Variants in TIAM2 observed in about 807,000 individuals in gnomAD.
TIAM2 encodes the protein TIAM Rac1 associated GEF 2.
A neutral mutation model predicts 152.9 loss-of-function variants in TIAM2; 80 were observed. The ratio of observed to expected loss-of-function variants is 0.52; its 90% CI spans 0.44 to 0.63. The LOEUF (loss-of-function observed/expected upper bound fraction) is 0.63. Ranked by LOEUF, TIAM2 falls within the 30% of genes least tolerant of loss-of-function variation. The probability of loss-of-function intolerance (pLI) is 0.00; values close to 1 mark genes in which losing one functional copy is unlikely to be tolerated. For synonymous variants in TIAM2, 804 were observed against 838.0 expected (o/e 0.96, Z 0.70); for missense variants, 1,965 against 2,120.1 (o/e 0.93, Z 1.44).
intron 7 of TIAM2, among the ~76,000 whole-genome samples, chr6:155,159,191 G>A (rs183749829): frequency 4.6e-5 from 7 of 152,278 alleles, no homozygotes. Flanking sequence ...GTCAAGGCTG[G>A]TAGGATATTG....
intron 7 of TIAM2, among the ~76,000 whole-genome samples, chr6:155,157,196 ATCT>A (rs1376084153): frequency 2.0e-5 from 3 of 151,866 alleles, no homozygotes; most frequent in African/African-American, 7.3e-5. Flanking sequence ...GGAAACAGAG[ATCT>A]TCTCTGAGTC....
chr6:155,183,405 T>G lies in TIAM2; in HGVS notation c.2969T>G (p.Leu990Arg). ...TLCTSWSDSD[L>R]FSRDQKSLLP... ...TGTACATCCTGGTCAGACAGTGACC[T>G]GTTCTCCAGGGACCAGAAGAGTCTG... is the stretch of plus-strand genomic sequence containing the variant. The change falls in exon 14 of 27, where the codon CTG (leucine) becomes CGG (arginine). Residue 990 changes from leucine to arginine, a missense_variant. Coordinates refer to ENST00000682666, the MANE Select transcript of TIAM2 (RefSeq NM_012454.4). 2 of 1,614,198 alleles carry G rather than the reference T, an allele frequency of 1.2e-6. No individual in the cohort carries two copies. Among genetic ancestry groups the G allele is most frequent in the East Asian group, 2.2e-5 (1 of 44,890 alleles).
At chr6:155,062,084 C>T (rs1383687176) in intron 1 of TIAM2, among the ~76,000 whole-genome samples, 7 of 143,592 alleles carry the variant, frequency 4.9e-5, no homozygotes, top group Admixed American at 2.1e-4. Flanking sequence ...CCCTGCATCT[C>T]GCCCCCCCAC....
At chr6:155,017,709 T>C (rs1166877943) in intron 1 of TIAM2, among the ~76,000 whole-genome samples, 1 of 152,062 alleles carries the variant, frequency 6.6e-6, no homozygotes, top group Non-Finnish European at 1.5e-5. Flanking sequence ...TTCACCGTGT[T>C]AGCCAGGATG....
chr6:155,123,891 C>T (rs1779231609), intron 2 of TIAM2, among the ~76,000 whole-genome samples: 2 of 152,358 alleles, frequency 1.3e-5, no homozygotes, highest in South Asian at 4.1e-4. Flanking sequence ...CTGTGACAGT[C>T]TGAGTGGCAG....
intron 1 of TIAM2, among the ~76,000 whole-genome samples, chr6:155,032,431 G>A (rs989525787): frequency 6.6e-6 from 1 of 152,140 alleles, no homozygotes; most frequent in African/African-American, 2.4e-5. Flanking sequence ...CACATCAAAC[G>A]GGGAATTGAG....
chr6:155,255,236 C>G (rs557609513), intron 26 of TIAM2: 1 of 152,208 alleles, frequency 6.6e-6, no homozygotes. Flanking sequence ...TCCATATTAT[C>G]AACTTAACAA....
chr6:155,027,378 A>G (rs1436397178), intron 1 of TIAM2, among the ~76,000 whole-genome samples: 6 of 134,770 alleles, frequency 4.5e-5, no homozygotes, highest in East Asian at 2.1e-4. Flanking sequence ...TATAATATAT[A>G]TACTGTGTTA....
At chr6:155,106,766 G>A (rs1248615701) in intron 2 of TIAM2, among the ~76,000 whole-genome samples, 2 of 152,214 alleles carry the variant, frequency 1.3e-5, no homozygotes, top group South Asian at 4.1e-4. Flanking sequence ...ATGGAACTTC[G>A]GTGGTAATTA....
In TIAM2 at chr6:155,047,693, GAGAGAGAGAGA is replaced by G. The variant is rs1777216751; in HGVS notation, c.-208-42595_-208-42585del. On this transcript the variant is annotated intron_variant, in intron 1 of 26. Coordinates refer to ENST00000682666, the MANE Select transcript of TIAM2 (RefSeq NM_012454.4). Reference sequence around the variant, plus strand: ...GAGAGAGAGAGAGAGAGAGAGGAGAGAGAGAGAGAGAGCGAGAGAGAGAGAGAGAGAGCGAG... The same window carrying G: ...GAGAGAGAGAGAGAGAGAGAGGAGAGGCGAGAGAGAGAGAGAGAGAGCGAG... Among the ~76,000 whole-genome samples the G allele has an allele frequency of 1.8e-4, 2 of 11,288 alleles. 1 individual carries two copies. The highest frequency in any genetic ancestry group is 5.3e-4 in the Non-Finnish European group (2 of 3,792). The allele number at this position is 11,288 out of a possible 152,430, so 7.4% of individuals were successfully genotyped here. A position where few individuals can be genotyped will look rare whatever the true frequency, so the allele number is the denominator to read the frequency against.
chr6:155,086,646 G>A (rs1394624422), intron 1 of TIAM2, among the ~76,000 whole-genome samples: 5 of 148,718 alleles, frequency 3.4e-5, no homozygotes, highest in Non-Finnish European at 7.4e-5. Flanking sequence ...GGCAGAGGTT[G>A]CAGTGAGCTG....
chr6:155,239,432 G>A (rs1284728036), intron 15 of TIAM2, among the ~76,000 whole-genome samples: 3 of 152,234 alleles, frequency 2.0e-5, no homozygotes, highest in Admixed American at 6.5e-5. Context: ...AGATGGGGAG[G>A]TGGTGAAGTG....
chr6:155,223,815 G>A (rs139731965), intron 15 of TIAM2, among the ~76,000 whole-genome samples: 9 of 152,186 alleles, frequency 5.9e-5, no homozygotes, highest in South Asian at 4.1e-4. Flanking sequence ...TGTGTTCCCC[G>A]GCAAGGGCGT....
At position 155,179,526 on chromosome 6, in the gene TIAM2, T is replaced by C. The variant is rs1780844202; in HGVS notation, c.2707+70T>C. 10 of 1,434,996 alleles carry C rather than the reference T, an allele frequency of 7.0e-6. No individual in the cohort carries two copies. In the South Asian group the frequency reaches 1.2e-4, roughly 18 times the overall value. The allele number at this position is 1,434,996 out of a possible 1,614,324, so 88.9% of individuals were successfully genotyped here. A position where few individuals can be genotyped will look rare whatever the true frequency, so the allele number is the denominator to read the frequency against. On this transcript the variant is annotated intron_variant, in intron 12 of 26. Coordinates refer to ENST00000682666, the MANE Select transcript of TIAM2 (RefSeq NM_012454.4). ...TTTGCCTACTTTGCCCCAGCATCTTTGGACTTAATTTTTTCCCCTTACATT... is the reference window on the plus strand; with the variant it reads ...TTTGCCTACTTTGCCCCAGCATCTTCGGACTTAATTTTTTCCCCTTACATT...
chr6:155,054,050 G>A (rs1299963114), intron 1 of TIAM2, among the ~76,000 whole-genome samples: 1 of 152,134 alleles, frequency 6.6e-6, no homozygotes, highest in Non-Finnish European at 1.5e-5. Flanking sequence ...GCAGGCACCT[G>A]TAGTCCCAGC....
At chr6:155,070,923 G>C (rs1242856739) in intron 1 of TIAM2, among the ~76,000 whole-genome samples, 1 of 152,176 alleles carries the variant, frequency 6.6e-6, no homozygotes, top group East Asian at 1.9e-4. Flanking sequence ...TGTAATCCCA[G>C]CTCTTTGGGA....
intron 5 of TIAM2, among the ~76,000 whole-genome samples, chr6:155,139,681 T>C (rs1185955225): frequency 6.6e-6 from 1 of 152,224 alleles, no homozygotes; most frequent in African/African-American, 2.4e-5. Context: ...GGCTCACACC[T>C]GTAATCCCAG....
At chr6:155,172,686 A>ATTTTTTTTT (rs113165280) in intron 9 of TIAM2, among the ~76,000 whole-genome samples, 5 of 19,636 alleles carry the variant, frequency 2.5e-4, no homozygotes, top group Non-Finnish European at 3.6e-4. Context: ...ATATATATAT[A>ATTTTTTTTT]TTTTTTTTTT....
At chr6:155,014,701 C>T (rs1778544881) in intron 1 of TIAM2, among the ~76,000 whole-genome samples, 1 of 152,086 alleles carries the variant, frequency 6.6e-6, no homozygotes, top group Non-Finnish European at 1.5e-5. Flanking sequence ...GGTTCATTTA[C>T]TTATTTAATT....
Sources: gnomAD v4.1 joint callset for allele counts (sites outside exome capture counted in the v4.1 genomes callset) on GRCh38, gnomAD v4.1.1 for gene constraint, MANE v1.5 for transcripts, NCBI Gene and HGNC (gene_info 2026-07-23, HGNC 2026-07-21) for gene names.